The following GXYLT2 variants were observed in gnomAD, a reference collection of about 807,000 sequenced individuals.
GXYLT2 encodes the protein glucoside xylosyltransferase 2.
A neutral mutation model predicts 45.8 loss-of-function variants in GXYLT2; 53 were observed. That is an observed-to-expected ratio of 1.16 (90% CI 0.93 to 1.46). The LOEUF (loss-of-function observed/expected upper bound fraction) is 1.46. Among genes scored for constraint, GXYLT2 ranks in the 40% most tolerant of loss-of-function variants. GXYLT2 has a pLI of 0.00. For synonymous variants in GXYLT2, 219 were observed against 214.2 expected (o/e 1.02, Z -0.19); for missense variants, 551 against 544.4 (o/e 1.01, Z -0.12).
chr3:72,957,840 C>A (rs890570091), intron 5 of GXYLT2, among the ~76,000 whole-genome samples: 3 of 152,060 alleles, frequency 2.0e-5, no homozygotes, highest in African/African-American at 7.2e-5. Context: ...AGAAATTCTT[C>A]TTATATTGTT....
chr3:72,975,001 C>A lies in GXYLT2; in HGVS notation c.1174C>A (p.Gln392Lys). ...RDFPFQDNLF[Q>K]SMYYPLQLKF... ...GTTTCCCTTTCAAGACAATCTCTTT[C>A]AATCCATGTATTACCCCCTTCAGCT... Residue 392 changes from glutamine (Q) to lysine (K), a missense_variant, in exon 7 of 7, where the codon CAA becomes AAA. Physicochemically the swap from Gln to Lys is moderately conservative, Grantham distance 53. Transcript: ENST00000389617. 1 of 1,586,358 alleles carries A rather than the reference C, an allele frequency of 6.3e-7. No individual in the cohort carries two copies. The highest frequency in any genetic ancestry group is 8.6e-7 in the Non-Finnish European group (1 of 1,165,096).
chr3:72,946,995 TTAC>T (rs1221965468), intron 3 of GXYLT2, among the ~76,000 whole-genome samples: 1 of 151,836 alleles, frequency 6.6e-6, no homozygotes, highest in African/African-American at 2.4e-5. Flanking sequence ...AGCTACTTTA[TTAC>T]TATTATTGCT....
At chr3:72,947,959 T>G (rs1710443302) in intron 3 of GXYLT2, among the ~76,000 whole-genome samples, 1 of 151,244 alleles carries the variant, frequency 6.6e-6, no homozygotes, top group South Asian at 2.1e-4. Flanking sequence ...CCATCTCAAA[T>G]GAGTGTACAC....
At position 72,911,993 on chromosome 3, in the gene GXYLT2, G is replaced by GTA. The variant is rs1288910128; in HGVS notation, c.468+3454_468+3455dup. 4.9e-3 allele frequency among the ~76,000 whole-genome samples: 602 copies of GTA among 122,872 alleles called. 1 individual carries two copies. Among genetic ancestry groups the GTA allele is most frequent in the South Asian group, 0.015 (65 of 4,248 alleles). The allele number at this position is 122,872 out of a possible 152,430, so 80.6% of individuals were successfully genotyped here. A position where few individuals can be genotyped will look rare whatever the true frequency, so the allele number is the denominator to read the frequency against. On this transcript the variant is annotated intron_variant, in intron 2 of 6. Coordinates refer to ENST00000389617, the MANE Select transcript of GXYLT2 (RefSeq NM_001080393.2). Reference sequence around the variant, plus strand: ...TGTGTGTGCATGTGTGTGTGTGTGTGTATATATATATATATATATATTTTT... The same window carrying GTA: ...TGTGTGTGCATGTGTGTGTGTGTGTGTATATATATATATATATATATATTTTT...
rs80082633 is a variant in GXYLT2 at position 72,898,711 on chromosome 3, T to C, written c.276-9656T>C. 2.9e-3 allele frequency among the ~76,000 whole-genome samples: 445 copies of C among 152,252 alleles called. 1 individual carries two copies. The highest frequency in any genetic ancestry group is 0.01 in the African/African-American group (417 of 41,558). On this transcript the variant is annotated intron_variant, in intron 1 of 6. Transcript: ENST00000389617. Reference sequence around the variant, plus strand: ...AGCCTTGCGTAGGGGCTTCATCTGCTCAGAGAGGGCTCTTTTTCTTTTCTT... The same window carrying C: ...AGCCTTGCGTAGGGGCTTCATCTGCCCAGAGAGGGCTCTTTTTCTTTTCTT...
intron 2 of GXYLT2, among the ~76,000 whole-genome samples, chr3:72,913,424 A>G (rs1314103029): frequency 1.3e-5 from 2 of 151,064 alleles, no homozygotes; most frequent in Admixed American, 6.6e-5. Flanking sequence ...GATGGGCATG[A>G]TGGCTCACGC....
At chr3:72,918,033 T>G (rs533882323) in intron 2 of GXYLT2, among the ~76,000 whole-genome samples, 12 of 152,288 alleles carry the variant, frequency 7.9e-5, no homozygotes, top group Non-Finnish European at 1.5e-4. Context: ...TAGTAACTAT[T>G]TTAGGCTTTG....
intron 3 of GXYLT2, among the ~76,000 whole-genome samples, chr3:72,941,728 A>G (rs907211195): frequency 5.3e-5 from 8 of 152,178 alleles, no homozygotes; most frequent in African/African-American, 1.9e-4. Context: ...TTAAATAAAT[A>G]TATAGGTACA....
At position 72,907,080 on chromosome 3, in the gene GXYLT2, G is replaced by C. The variant is rs539049960; in HGVS notation, c.276-1287G>C. Among the ~76,000 whole-genome samples, 10 of 152,272 alleles carry C rather than the reference G, an allele frequency of 6.6e-5. No homozygotes were observed. In the South Asian group the frequency reaches 2.1e-3, roughly 32 times the overall value. The stretch of plus-strand genomic sequence containing the variant: ...CTCAGTGATCCAAGGGAAGGCAGAT[G>C]GTGGCCTCACCAGATAATGGCAGGG... On this transcript the variant is annotated intron_variant, in intron 1 of 6. Transcript: ENST00000389617.
intron 5 of GXYLT2, among the ~76,000 whole-genome samples, chr3:72,963,124 C>T (rs2107150451): frequency 6.6e-6 from 1 of 151,884 alleles, no homozygotes; most frequent in East Asian, 1.9e-4. Flanking sequence ...CCAGCCTGGG[C>T]AACGTGGCAA....
intron 3 of GXYLT2, among the ~76,000 whole-genome samples, chr3:72,943,803 C>G (rs529141841): frequency 6.6e-6 from 1 of 152,182 alleles, no homozygotes; most frequent in Admixed American, 6.5e-5. Context: ...TTGCATCTTC[C>G]CGAGCTGAAA....
intron 3 of GXYLT2, among the ~76,000 whole-genome samples, chr3:72,948,842 A>G (rs1710461362): frequency 1.3e-5 from 2 of 150,588 alleles, no homozygotes; most frequent in Admixed American, 1.3e-4. Flanking sequence ...TCTCAAAAAA[A>G]AAAAAAAAAA....
chr3:72,894,654 A>G (rs555021577), intron 1 of GXYLT2, among the ~76,000 whole-genome samples: 1 of 152,368 alleles, frequency 6.6e-6, no homozygotes, highest in Admixed American at 6.5e-5. Context: ...TCTTACATTC[A>G]GTGAGGAACA....
chr3:72,928,991 G>A, intron 3 of GXYLT2: 3 of 1,126,222 alleles, frequency 2.7e-6, no homozygotes, highest in Non-Finnish European at 2.6e-6. Flanking sequence ...CCCAAGGCCC[G>A]CCGCCGCTCC....
At chr3:72,892,385 A>G (rs1188384241) in intron 1 of GXYLT2, among the ~76,000 whole-genome samples, 1 of 152,148 alleles carries the variant, frequency 6.6e-6, no homozygotes, top group Non-Finnish European at 1.5e-5. Flanking sequence ...GTTTCTCTTA[A>G]AATATGGCTT....
At position 72,975,213 on chromosome 3, in the gene GXYLT2, A is replaced by ATC. The variant is rs915760674; in HGVS notation, c.*58_*59dup. 3.3e-5 allele frequency: 44 copies of ATC among 1,323,978 alleles called. No homozygotes were observed. The Middle Eastern group carries it at 9.3e-4, about 28-fold the overall frequency. 82.0% of individuals were successfully genotyped at this position (1,323,978 alleles called of 1,614,324 possible). A position where few individuals can be genotyped will look rare whatever the true frequency, so the allele number is the denominator to read the frequency against. ...GTGTCTTGTGACCAAGGAAATACTAATCTCTAAGCTGCCTGGGTCTTTTTG... is the reference window on the plus strand; with the variant it reads ...GTGTCTTGTGACCAAGGAAATACTAATCTCTCTAAGCTGCCTGGGTCTTTTTG... On this transcript the variant is annotated 3_prime_UTR_variant, in exon 7 of 7. Transcript: ENST00000389617.
rs927412212 is a variant in GXYLT2 at position 72,888,120 on chromosome 3, C to CGGCG, written c.-104_-101dup. On this transcript the variant is annotated 5_prime_UTR_variant, in exon 1 of 7. Coordinates refer to ENST00000389617, the MANE Select transcript of GXYLT2 (RefSeq NM_001080393.2). Reference sequence around the variant, plus strand: ...CGCCGGCCGCCACGACCCCAGTCCCCGGCGGGCGGGCGGAGGAGGCGACCG... The same window carrying CGGCG: ...CGCCGGCCGCCACGACCCCAGTCCCCGGCGGGCGGGCGGGCGGAGGAGGCGACCG... 24 of 709,492 alleles carry CGGCG rather than the reference C, an allele frequency of 3.4e-5. No individual in the cohort carries two copies. The highest frequency in any genetic ancestry group is 7.1e-4 in the Middle Eastern group (1 of 1,414). 43.9% of individuals were successfully genotyped at this position (709,492 alleles called of 1,614,324 possible).
At position 72,894,798 on chromosome 3, in the gene GXYLT2, AC is replaced by A. The variant is rs146755710; in HGVS notation, c.275+6291del. Reference sequence around the variant, plus strand: ...CAAGTGAAAACGCTATAATATGTAAACTGCACACCTTTTGCAAACAATTGTG... The same window carrying A: ...CAAGTGAAAACGCTATAATATGTAAATGCACACCTTTTGCAAACAATTGTG... On this transcript the variant is annotated intron_variant, in intron 1 of 6. Transcript: ENST00000389617. Among the ~76,000 whole-genome samples, 989 of 152,256 alleles carry A rather than the reference AC, an allele frequency of 6.5e-3. 12 individuals carry two copies. The highest frequency in any genetic ancestry group is 0.023 in the African/African-American group (944 of 41,536).
intron 1 of GXYLT2, among the ~76,000 whole-genome samples, chr3:72,905,310 G>A (rs1470972768): frequency 1.3e-5 from 2 of 152,004 alleles, no homozygotes; most frequent in Non-Finnish European, 2.9e-5. Flanking sequence ...TAGAGACGAG[G>A]TTTCATCATG....
Sources: gnomAD v4.1 joint callset for allele counts (sites outside exome capture counted in the v4.1 genomes callset) on GRCh38, gnomAD v4.1.1 for gene constraint, MANE v1.5 for transcripts, NCBI Gene and HGNC (gene_info 2026-07-23, HGNC 2026-07-21) for gene names.